Variants in PHF3 observed in about 807,000 individuals in gnomAD.
The protein encoded by PHF3 is PHD finger protein 3.
PHF3 carries 41 observed loss-of-function variants against 178.4 expected under a neutral mutation model. The ratio of observed to expected loss-of-function variants is 0.23; its 90% CI spans 0.18 to 0.30. The LOEUF (loss-of-function observed/expected upper bound fraction) is 0.30, where lower values mean the gene tolerates loss of function less well. Among genes scored for constraint, PHF3 ranks in the 10% least tolerant of loss-of-function variants. PHF3 has a pLI of 1.00. For missense variants in PHF3, 2,346 were observed against 2,398.1 expected, an observed-to-expected ratio of 0.98 and a Z score of 0.45; for synonymous variants, 842 against 800.5, an observed-to-expected ratio of 1.05 and a Z score of -0.88.
chr6:63,688,493 G>A lies in PHF3; in HGVS notation c.2189+2582G>A, dbSNP rs147385676. Reference sequence around the variant, plus strand: ...TGGGATTACGGGCAAATGCCACCATGCCCAGCTTATTTTGTATTTTTTGTA... The same window carrying A: ...TGGGATTACGGGCAAATGCCACCATACCCAGCTTATTTTGTATTTTTTGTA... On this transcript the variant is annotated intron_variant, in intron 4 of 15. Coordinates refer to ENST00000262043, the MANE Select transcript of PHF3 (RefSeq NM_001370348.2). Among the ~76,000 whole-genome samples the A allele has an allele frequency of 2.3e-3, 345 of 149,808 alleles. 2 individuals carry two copies. The highest frequency in any genetic ancestry group is 8.1e-3 in the African/African-American group (328 of 40,654).
chr6:63,697,600 C>T (rs938554422), intron 6 of PHF3, among the ~76,000 whole-genome samples: 1 of 151,972 alleles, frequency 6.6e-6, no homozygotes, highest in African/African-American at 2.4e-5. Flanking sequence ...TTTGCCAACA[C>T]ACATGTTTAA....
rs745731301 is a variant in PHF3 at position 63,712,292 on chromosome 6, T to A, written c.4704T>A (p.Ser1568=). ...TCAGAGGTAAGCCACCAGATGTTTC[T>A]ACAGAAGCATTTTTAACAAATTTAT... ...LSLRGKPPDV[S]TEAFLTNLSI... Residue 1568 remains serine (S), a synonymous_variant, in exon 16 of 16, where the codon TCT becomes TCA. Coordinates refer to ENST00000262043, the MANE Select transcript of PHF3 (RefSeq NM_001370348.2). The A allele has an allele frequency of 6.2e-7, 1 of 1,613,358 alleles. No homozygotes were observed. The highest frequency in any genetic ancestry group is 1.7e-5 in the Admixed American group (1 of 59,848).
Position 63,685,286 on chromosome 6 carries a change from A to G in PHF3, c.1564A>G (p.Lys522Glu). The change falls in exon 4 of 16, where the codon AAA (lysine) becomes GAA (glutamate). Residue 522 changes from lysine (K) to glutamate (E), a missense_variant. By Grantham distance (56) the Lys-to-Glu change is moderately conservative. Around this residue, in one of 8 missense-constraint regions of PHF3, gnomAD observed 843 missense variants for 795.2 expected, o/e 1.06. Transcript: ENST00000262043. ...GTATGAAGTAATACATAGCAAAACT[A>G]AAGTTAATGTCAAAAGTGTGAAACG... is the stretch of plus-strand genomic sequence containing the variant. ...AKYEVIHSKT[K>E]VNVKSVKRNT... 1 of 1,614,122 alleles carries G rather than the reference A, an allele frequency of 6.2e-7. No individual in the cohort carries two copies. Among genetic ancestry groups the G allele is most frequent in the Non-Finnish European group, 8.5e-7 (1 of 1,180,002 alleles).
At chr6:63,637,538 G>T (rs560165333) in intron 1 of PHF3, among the ~76,000 whole-genome samples, 2 of 152,276 alleles carry the variant, frequency 1.3e-5, no homozygotes, top group Admixed American at 1.3e-4. Flanking sequence ...ATTTTAAATA[G>T]TAATTTTAAA....
At chr6:63,679,067 TGATA>T (rs1452427925) in intron 2 of PHF3, 2 of 157,382 alleles carry the variant, frequency 1.3e-5, no homozygotes, top group African/African-American at 4.8e-5. Flanking sequence ...GTAAAGAAAC[TGATA>T]GAGAGGTTAA....
Position 63,685,297 on chromosome 6 carries a change from C to A in PHF3, c.1575C>A (p.Val525=). The A allele has an allele frequency of 6.2e-7, 1 of 1,613,864 alleles. No individual in the cohort carries two copies. Among genetic ancestry groups the A allele is most frequent in the African/African-American group, 1.3e-5 (1 of 74,970 alleles). ...EVIHSKTKVN[V]KSVKRNTDVP... ...TACATAGCAAAACTAAAGTTAATGT[C>A]AAAAGTGTGAAACGAAATACTGATG... Residue 525 remains valine (V), a synonymous_variant, in exon 4 of 16, where the codon GTC becomes GTA. Coordinates refer to ENST00000262043, the MANE Select transcript of PHF3 (RefSeq NM_001370348.2).
rs1561988787 is a variant in PHF3, at chr6:63,713,835, C to T, written c.*127C>T. On this transcript the variant is annotated 3_prime_UTR_variant, in exon 16 of 16. Transcript: ENST00000262043. ...TTTTTACTATTGGTCATTTGCAGAA[C>T]AGTAAATTCTGTGTGTTGGTACAGA... 1.3e-6 allele frequency: 1 copy of T among 748,602 alleles called. No individual in the cohort carries two copies. The highest frequency in any genetic ancestry group is 2.1e-6 in the Non-Finnish European group (1 of 470,242). The allele number at this position is 748,602 out of a possible 1,614,324, so 46.4% of individuals were successfully genotyped here. A position where few individuals can be genotyped will look rare whatever the true frequency, so the allele number is the denominator to read the frequency against.
rs1034753144 is a variant in PHF3, at chr6:63,636,028, G to A, written c.-148G>A. ...GAAAAGAGGCTGTGGCAGCGACGCC[G>A]ACGTCCTGCGCGTACCCCCTCTCCG... On this transcript the variant is annotated 5_prime_UTR_variant, in exon 1 of 16. Coordinates refer to ENST00000262043, the MANE Select transcript of PHF3 (RefSeq NM_001370348.2). 2.5e-5 allele frequency: 10 copies of A among 396,460 alleles called. No individual in the cohort carries two copies. In the East Asian group the frequency reaches 3.6e-4, roughly 14 times the overall value. The allele number at this position is 396,460 out of a possible 1,614,324, so 24.6% of individuals were successfully genotyped here. A position where few individuals can be genotyped will look rare whatever the true frequency, so the allele number is the denominator to read the frequency against.
chr6:63,672,064 A>G (rs1020273335), intron 2 of PHF3, among the ~76,000 whole-genome samples: 3 of 151,892 alleles, frequency 2.0e-5, no homozygotes, highest in Non-Finnish European at 4.4e-5. Flanking sequence ...GATGGTCTCA[A>G]TCTTCTGACC....
chr6:63,641,653 T>C (rs1365872271), intron 1 of PHF3, among the ~76,000 whole-genome samples: 7 of 151,832 alleles, frequency 4.6e-5, no homozygotes, highest in Admixed American at 4.6e-4. Context: ...TTTTTTTTTT[T>C]CGAGACGGAG....
At position 63,685,632 on chromosome 6, in the gene PHF3, T is replaced by C; in HGVS notation, c.1910T>C (p.Met637Thr). ...CHKPQQQAPAMKTNSHVKEEL... is the reference protein window; with the variant it reads ...CHKPQQQAPATKTNSHVKEEL... ...AAGCCTCAGCAACAGGCCCCAGCAA[T>C]GAAAACCAATAGTCACGTGAAGGAA... The change falls in exon 4 of 16, where the codon ATG becomes ACG. Residue 637 changes from methionine (M) to threonine (T), a missense_variant. Around this residue, in one of 8 missense-constraint regions of PHF3, gnomAD observed 843 missense variants for 795.2 expected, o/e 1.06. Coordinates refer to ENST00000262043, the MANE Select transcript of PHF3 (RefSeq NM_001370348.2). 1 of 1,613,998 alleles carries C rather than the reference T, an allele frequency of 6.2e-7. No homozygotes were observed. The highest frequency in any genetic ancestry group is 1.1e-5 in the South Asian group (1 of 91,084).
At chr6:63,688,494 C>A in intron 4 of PHF3, among the ~76,000 whole-genome samples, 1 of 149,978 alleles carries the variant, frequency 6.7e-6, no homozygotes. Context: ...TGCCACCATG[C>A]CCAGCTTATT....
chr6:63,698,092 A>G (rs990442567), intron 6 of PHF3, 131 bp from the exon 7 acceptor site: 14 of 669,302 alleles, frequency 2.1e-5, no homozygotes, highest in East Asian at 8.5e-5. Context: ...GAATATTTCA[A>G]TATGGATTGT....
Position 63,712,579 on chromosome 6 carries a change from C to A in PHF3, c.4991C>A (p.Thr1664Asn). The A allele has an allele frequency of 6.2e-7, 1 of 1,613,844 alleles. No individual in the cohort carries two copies. Among genetic ancestry groups the A allele is most frequent in the Non-Finnish European group, 8.5e-7 (1 of 1,179,916 alleles). ...GCAGGACGAAGTCAGCCTGTAACTA[C>A]TTCAGAAAGCAAAGATGGAGATAGT... The part of the protein sequence containing the change: ...QAAGRSQPVT[T>N]SESKDGDSCR... The change falls in exon 16 of 16, where the codon ACT becomes AAT. Residue 1664 changes from threonine to asparagine, a missense_variant. Transcript: ENST00000262043.
chr6:63,638,192 G>C (rs527587841), intron 1 of PHF3, among the ~76,000 whole-genome samples: 1 of 152,086 alleles, frequency 6.6e-6, no homozygotes, highest in African/African-American at 2.4e-5. Flanking sequence ...ATTTTATTGA[G>C]TATTGGAATC....
chr6:63,675,492 C>T (rs1443670725), intron 2 of PHF3, among the ~76,000 whole-genome samples: 1 of 152,088 alleles, frequency 6.6e-6, no homozygotes, highest in Non-Finnish European at 1.5e-5. Context: ...ACTGGAGGTG[C>T]TTCTGTTGTT....
At position 63,721,694 on chromosome 6, in the gene PHF3, G is replaced by A. The variant is rs745351348; in HGVS notation, c.*7986G>A. On this transcript the variant is annotated 3_prime_UTR_variant, in exon 16 of 16. Coordinates refer to ENST00000262043, the MANE Select transcript of PHF3 (RefSeq NM_001370348.2). The stretch of plus-strand genomic sequence containing the variant: ...CTTTTATTATATGCCAAGTACTTCC[G>A]TTTATAGTTACTTTTTGGAGAGTTT... 3.2e-6 allele frequency: 5 copies of A among 1,551,160 alleles called. No homozygotes were observed. The highest frequency in any genetic ancestry group is 2.0e-5 in the Admixed American group (1 of 50,950).
chr6:63,713,162 T>C lies in PHF3; in HGVS notation c.5574T>C (p.Val1858=). The change falls in exon 16 of 16, where the codon GTT becomes GTC. Residue 1858 remains valine, a synonymous_variant. Transcript: ENST00000262043. ...ATCCCATGGTTCCCTGGCCACCTGT[T>C]GTTCATCTCCCAGGTCAGCCACAGC... The part of the protein sequence containing the change: ...AQNPMVPWPP[V]VHLPGQPQRM... 6.2e-7 allele frequency: 1 copy of C among 1,614,032 alleles called. No homozygotes were observed. Among genetic ancestry groups the C allele is most frequent in the Non-Finnish European group, 8.5e-7 (1 of 1,179,958 alleles).
At chr6:63,683,431 T>C (rs1766528316) in intron 3 of PHF3, among the ~76,000 whole-genome samples, 1 of 152,088 alleles carries the variant, frequency 6.6e-6, no homozygotes, top group Non-Finnish European at 1.5e-5. Flanking sequence ...AATGGACTAT[T>C]AGGAGCATTG....
Sources: allele counts gnomAD v4.1 joint callset (sites outside exome capture counted in the v4.1 genomes callset), GRCh38; gene constraint gnomAD v4.1.1; regional missense constraint gnomAD v4.1.1; transcripts MANE v1.5; gene names NCBI Gene and HGNC (gene_info 2026-07-23, HGNC 2026-07-21).